GRIP2: variants seen among roughly 807,000 people sequenced by gnomAD.
The protein encoded by GRIP2 is glutamate receptor-interacting protein 2.
A neutral mutation model predicts 108.3 loss-of-function variants in GRIP2; 58 were observed. The observed-to-expected ratio is 0.54, with a 90% CI of 0.43 to 0.67. GRIP2 has a LOEUF of 0.67. GRIP2 is among the 30% of genes least tolerant of loss of function. GRIP2 has a pLI of 0.00. For synonymous variants in GRIP2, 586 were observed against 598.2 expected (o/e 0.98, Z 0.30); for missense variants, 1,278 against 1,430.6 (o/e 0.89, Z 1.72).
At chr3:14,563,996 A>G in the GRIP2 span, among the ~76,000 whole-genome samples, 3 of 152,114 alleles carry the variant, frequency 2.0e-5, no homozygotes, top group Non-Finnish European at 4.4e-5. Flanking sequence ...CTCCACCCTC[A>G]CCAGACCTGC....
chr3:14,573,723 T>G, the GRIP2 span: 1 of 1,438,386 alleles, frequency 7.0e-7, no homozygotes, highest in South Asian at 1.1e-5. Context: ...TTCTGGCCAC[T>G]CACGGGGGTC....
chr3:14,594,720 G>A, the GRIP2 span, among the ~76,000 whole-genome samples: 1 of 152,222 alleles, frequency 6.6e-6, no homozygotes, highest in Non-Finnish European at 1.5e-5. Flanking sequence ...TCAAATCCCA[G>A]CTTTGCCCCT....
At position 14,524,953 on chromosome 3, in the gene GRIP2, C is replaced by T. The variant is rs556164495; in HGVS notation, c.258-415G>A. Among the ~76,000 whole-genome samples, 5 of 152,292 alleles carry T rather than the reference C, an allele frequency of 3.3e-5. No individual in the cohort carries two copies. In the East Asian group the frequency reaches 9.7e-4, roughly 29 times the overall value. ...GTGACTGAGAGGCTAACTCCCAGGC[C>T]TCACAGTCCAAGGGAGCCACAGGGG... On this transcript the variant is annotated intron_variant, in intron 3 of 23. Transcript: ENST00000621039.
chr3:14,599,713 T>TTGTG, the GRIP2 span, among the ~76,000 whole-genome samples: 2 of 73,516 alleles, frequency 2.7e-5, no homozygotes, highest in East Asian at 6.8e-4. Flanking sequence ...GTGTGTGTGT[T>TTGTG]TGTGTGTGTG....
chr3:14,595,374 C>A, the GRIP2 span, among the ~76,000 whole-genome samples: 1 of 152,150 alleles, frequency 6.6e-6, no homozygotes, highest in Non-Finnish European at 1.5e-5. Context: ...ATCAGTGCAG[C>A]CCCTGCTCCA....
chr3:14,555,593 G>A (rs1695225322), intron 1 of GRIP2, among the ~76,000 whole-genome samples: 1 of 151,912 alleles, frequency 6.6e-6, no homozygotes, highest in Non-Finnish European at 1.5e-5. Context: ...GCCAGACAGA[G>A]AGACAGCAGG....
the GRIP2 span, chr3:14,573,387 A>C: frequency 3.8e-6 from 5 of 1,329,482 alleles, no homozygotes; most frequent in East Asian, 1.2e-4. Context: ...CGGGATGGTC[A>C]TCTGGAAGCA....
At chr3:14,501,773 C>T (rs1022014417) in intron 21 of GRIP2, among the ~76,000 whole-genome samples, 4 of 151,608 alleles carry the variant, frequency 2.6e-5, no homozygotes, top group African/African-American at 7.3e-5. Flanking sequence ...TTTGCTTATC[C>T]AATTTTGCAC....
At chr3:14,572,335 C>A in the GRIP2 span, among the ~76,000 whole-genome samples, 3 of 152,044 alleles carry the variant, frequency 2.0e-5, no homozygotes, top group South Asian at 6.2e-4. Flanking sequence ...CAAGCTAGGC[C>A]GGGCGTGGTG....
At position 14,520,146 on chromosome 3, in the gene GRIP2, G is replaced by A. The variant is rs1694363858; in HGVS notation, c.994C>T (p.Pro332Ser). Reference protein sequence around the residue: ...EKVRLEILPVPQSQRPLRPSE... With the variant: ...EKVRLEILPVSQSQRPLRPSE... ...GGCCTCAGTGGCCGCTGACTCTGGGGCACAGGCAGGATCTCCAGCCGCACC... is the reference window on the plus strand; with the variant it reads ...GGCCTCAGTGGCCGCTGACTCTGGGACACAGGCAGGATCTCCAGCCGCACC... The change falls in exon 9 of 24, where the codon CCC (proline) becomes TCC (serine). Residue 332 changes from proline to serine, a missense_variant. Transcript: ENST00000621039. The A allele has an allele frequency of 1.9e-6, 3 of 1,609,270 alleles. No individual in the cohort carries two copies. The highest frequency in any genetic ancestry group is 1.3e-5 in the African/African-American group (1 of 74,964).
rs1432259642 is a variant in GRIP2, at chr3:14,512,549, AG to A, written c.1720+227del. ...AGCCCCCTGGGAGACCCACGAGGCC[AG>A]GGGACTGCCATGGTGCAGAACGGGA... On this transcript the variant is annotated intron_variant, in intron 14 of 23. Coordinates refer to ENST00000621039, the MANE Select transcript of GRIP2 (RefSeq NM_001080423.4). This position sits in a 1 kb window ranked among gnomAD's most constrained non-coding sequence, Gnocchi z 5.1. 1.3e-5 allele frequency among the ~76,000 whole-genome samples: 2 copies of A among 152,146 alleles called. No homozygotes were observed. Among genetic ancestry groups the A allele is most frequent in the Non-Finnish European group, 2.9e-5 (2 of 68,014 alleles).
the GRIP2 span, among the ~76,000 whole-genome samples, chr3:14,582,593 C>T: frequency 6.6e-6 from 1 of 152,208 alleles, no homozygotes; most frequent in East Asian, 1.9e-4. Context: ...AGCCACTTCA[C>T]CTTATTGTGC....
chr3:14,548,632 G>T (rs1348145453), intron 1 of GRIP2, among the ~76,000 whole-genome samples: 1 of 152,198 alleles, frequency 6.6e-6, no homozygotes, highest in Admixed American at 6.5e-5. Flanking sequence ...CCGTCCAAAC[G>T]CAAACGCCTT....
In GRIP2 at chr3:14,534,820, C is replaced by T. The variant is rs547248533; in HGVS notation, c.40+5449G>A. Among the ~76,000 whole-genome samples, 10 of 152,234 alleles carry T rather than the reference C, an allele frequency of 6.6e-5. 2 individuals are homozygous for T. The highest frequency in any genetic ancestry group is 3.9e-4 in the Admixed American group (6 of 15,294). Reference sequence around the variant, plus strand: ...TGGCTAATTTGCCTTCATTATCTCCCGCTCTCTGGGGCCTCAGGGGGCTAT... The same window carrying T: ...TGGCTAATTTGCCTTCATTATCTCCTGCTCTCTGGGGCCTCAGGGGGCTAT... On this transcript the variant is annotated intron_variant, in intron 1 of 23. Coordinates refer to ENST00000621039, the MANE Select transcript of GRIP2 (RefSeq NM_001080423.4).
chr3:14,527,885 G>C (rs549280273), intron 1 of GRIP2, among the ~76,000 whole-genome samples: 1 of 152,008 alleles, frequency 6.6e-6, no homozygotes, highest in Non-Finnish European at 1.5e-5. Context: ...GACAGAGTGA[G>C]ACTCCATCTC....
Position 14,522,520 on chromosome 3 carries a change from G to C in GRIP2, c.566+480C>G, listed in dbSNP as rs1694441264. On this transcript the variant is annotated intron_variant, in intron 6 of 23. Coordinates refer to ENST00000621039, the MANE Select transcript of GRIP2 (RefSeq NM_001080423.4). The surrounding 1 kb of genome is among the most constrained non-coding windows in gnomAD (Gnocchi z 4.3). Reference sequence around the variant, plus strand: ...CCCACTGGGGAGGCCGAGGGATCAGGGGCTGGGAACTGGACATGTTCTTTC... The same window carrying C: ...CCCACTGGGGAGGCCGAGGGATCAGCGGCTGGGAACTGGACATGTTCTTTC... 6.4e-6 allele frequency: 1 copy of C among 157,248 alleles called. No homozygotes were observed. Among genetic ancestry groups the C allele is most frequent in the Non-Finnish European group, 1.4e-5 (1 of 70,946 alleles). The allele number at this position is 157,248 out of a possible 1,614,324, so 9.7% of individuals were successfully genotyped here.
intron 1 of GRIP2, among the ~76,000 whole-genome samples, chr3:14,550,237 C>A (rs1695124131): frequency 6.6e-6 from 1 of 152,340 alleles, no homozygotes; most frequent in Non-Finnish European, 1.5e-5. Context: ...CAATTCCCAC[C>A]TCTGAGCCTT....
rs1693966821 is a variant in GRIP2 at position 14,507,610 on chromosome 3, C to A, written c.2169G>T (p.Leu723=). ...GRPLSEAIHL[L]QVAGETVTLK... ...GTGTGACGGTCTCTCCAGCCACCTG[C>A]AGGAGGTGGATGGCCTCGCTCAGCG... The change falls in exon 18 of 24, where the codon CTG becomes CTT. Residue 723 remains leucine (L), a synonymous_variant. Transcript: ENST00000621039. The surrounding 1 kb of genome is among the most constrained non-coding windows in gnomAD (Gnocchi z 4.6). 6.2e-7 allele frequency: 1 copy of A among 1,614,018 alleles called. No individual in the cohort carries two copies. The highest frequency in any genetic ancestry group is 1.3e-5 in the African/African-American group (1 of 75,050).
chr3:14,506,517 A>G (rs1693931877), intron 19 of GRIP2, among the ~76,000 whole-genome samples: 1 of 152,170 alleles, frequency 6.6e-6, no homozygotes, highest in Non-Finnish European at 1.5e-5. Flanking sequence ...TAGAAGAAAG[A>G]CCAACTTTGT....
Sources: gnomAD v4.1 joint callset for allele counts (sites outside exome capture counted in the v4.1 genomes callset) on GRCh38, gnomAD v4.1.1 for gene constraint, Gnocchi (gnomAD v3.1) non-coding constraint, MANE v1.5 for transcripts, NCBI Gene and HGNC (gene_info 2026-07-23, HGNC 2026-07-21) for gene names.